Variants in MINDY2 observed in about 807,000 individuals in gnomAD.
The protein encoded by MINDY2 is ubiquitin carboxyl-terminal hydrolase MINDY-2.
A neutral mutation model predicts 68.2 loss-of-function variants in MINDY2; 52 were observed. The ratio of observed to expected loss-of-function variants is 0.76; its 90% CI spans 0.61 to 0.96. The LOEUF (loss-of-function observed/expected upper bound fraction) is 0.96, where lower values mean the gene tolerates loss of function less well. Ranked by LOEUF, MINDY2 falls within the 40% of genes least tolerant of loss-of-function variation. MINDY2 has a pLI of 0.00. For missense variants in MINDY2, 881 were observed against 773.4 expected, an observed-to-expected ratio of 1.14 and a Z score of -1.65; for synonymous variants, 372 against 303.0, an observed-to-expected ratio of 1.23 and a Z score of -2.36.
intron 2 of MINDY2, chr15:58,796,015 T>G: frequency 2.2e-6 from 1 of 445,882 alleles, no homozygotes; most frequent in South Asian, 1.6e-5. Context: ...GACTTGGCAG[T>G]GTGGTTATTG....
intron 6 of MINDY2, among the ~76,000 whole-genome samples, chr15:58,834,556 T>C (rs1449229466): frequency 6.6e-6 from 1 of 152,178 alleles, no homozygotes; most frequent in Admixed American, 6.5e-5. Flanking sequence ...ATCATTAATT[T>C]TGAGTGCTTT....
chr15:58,794,252 G>C (rs1902123007), intron 2 of MINDY2, among the ~76,000 whole-genome samples: 2 of 152,032 alleles, frequency 1.3e-5, no homozygotes, highest in African/African-American at 4.8e-5. Context: ...TTAATGGATT[G>C]TAGGTCTTGA....
In MINDY2 at chr15:58,772,136, G is replaced by T; in HGVS notation, c.741G>T (p.Trp247Cys). ...GACAATCTGTGTATCACATCAAGTG[G>T]ATCCAGTGGAAGGAAGAGAACACAC... ...FPGQSVYHIKWIQWKEENTPI... is the reference protein window; with the variant it reads ...FPGQSVYHIKCIQWKEENTPI... Residue 247 changes from tryptophan (W) to cysteine (C), a missense_variant, in exon 1 of 9, where the codon TGG becomes TGT. Transcript: ENST00000559228. The T allele has an allele frequency of 6.2e-7, 1 of 1,614,128 alleles. No homozygotes were observed. The highest frequency in any genetic ancestry group is 8.5e-7 in the Non-Finnish European group (1 of 1,180,032).
At chr15:58,842,170 A>G (rs2032318601) in intron 6 of MINDY2, among the ~76,000 whole-genome samples, 1 of 152,054 alleles carries the variant, frequency 6.6e-6, no homozygotes, top group African/African-American at 2.4e-5. Context: ...TATTCATGTC[A>G]TAACTGTTTC....
At chr15:58,818,437 G>A (rs772550336) in intron 4 of MINDY2, among the ~76,000 whole-genome samples, 6 of 151,842 alleles carry the variant, frequency 4.0e-5, no homozygotes, top group Non-Finnish European at 7.4e-5. Flanking sequence ...TTTATTTTTT[G>A]TGAAGACAGG....
chr15:58,771,993 A>C lies in MINDY2; in HGVS notation c.598A>C (p.Arg200=). 2 of 1,586,852 alleles carry C rather than the reference A, an allele frequency of 1.3e-6. No homozygotes were observed. The highest frequency in any genetic ancestry group is 1.3e-5 in the African/African-American group (1 of 74,328). ...EFNSEEGAEN[R]VPEEEEGAAV... is the part of the protein sequence containing the mutation. ...CAATAGTGAGGAGGGAGCGGAGAACAGGGTCCCTGAGGAGGAGGAGGGCGC... is the reference window on the plus strand; with the variant it reads ...CAATAGTGAGGAGGGAGCGGAGAACCGGGTCCCTGAGGAGGAGGAGGGCGC... Residue 200 remains arginine, a synonymous_variant, in exon 1 of 9, where the codon AGG becomes CGG. Transcript: ENST00000559228.
intron 1 of MINDY2, among the ~76,000 whole-genome samples, chr15:58,785,325 A>C (rs879453561): frequency 7.9e-5 from 12 of 152,102 alleles, no homozygotes; most frequent in African/African-American, 2.4e-4. Context: ...CTTTGCTTGT[A>C]AGTAAGTGAG....
intron 2 of MINDY2, among the ~76,000 whole-genome samples, chr15:58,789,219 T>C (rs1182597193): frequency 2.6e-5 from 4 of 151,942 alleles, no homozygotes; most frequent in African/African-American, 9.7e-5. Context: ...ACGCCTGATG[T>C]CCCAGCTACT....
At chr15:58,803,945 G>GAAAAAAAAAAAAAAAAAAA in intron 3 of MINDY2, among the ~76,000 whole-genome samples, 1 of 77,238 alleles carries the variant, frequency 1.3e-5, no homozygotes, top group Non-Finnish European at 2.4e-5. Context: ...CAGCTCTACT[G>GAAAAAAAAAAAAAAAAAAA]AAAAAAAAAA....
chr15:58,845,646 C>T lies in MINDY2; in HGVS notation c.1369-1651C>T, dbSNP rs565359502. The stretch of plus-strand genomic sequence containing the variant: ...TATGGAGAACAGTTTAGAGGTTCCT[C>T]AAGACACTAAAAGTAGAGCTGTTAT... On this transcript the variant is annotated intron_variant, in intron 6 of 8. Transcript: ENST00000559228. 2.0e-5 allele frequency among the ~76,000 whole-genome samples: 3 copies of T among 152,242 alleles called. No individual in the cohort carries two copies. In the East Asian group the frequency reaches 5.8e-4, roughly 29 times the overall value.
rs545384256 is a variant in MINDY2 at position 58,828,846 on chromosome 15, C to T, written c.1226-2928C>T. 3.6e-4 allele frequency among the ~76,000 whole-genome samples: 54 copies of T among 151,942 alleles called. 1 individual carries two copies. The highest frequency in any genetic ancestry group is 3.4e-3 in the Middle Eastern group (1 of 292). On this transcript the variant is annotated intron_variant, in intron 5 of 8. Transcript: ENST00000559228. ...CTGGGATTACAGGCATGAGCCACTG[C>T]GCCCAGTCTTAAATTTCTGAATGTA... is the stretch of plus-strand genomic sequence containing the variant.
At chr15:58,830,781 TGTTTACA>T in intron 5 of MINDY2, among the ~76,000 whole-genome samples, 1 of 152,168 alleles carries the variant, frequency 6.6e-6, no homozygotes, top group South Asian at 2.1e-4. Context: ...AAGGGACACT[TGTTTACA>T]GTATGCGAGA....
chr15:58,847,201 AT>A (rs112303345), intron 6 of MINDY2, 95 bp from the exon 7 acceptor site: 19 of 942,816 alleles, frequency 2.0e-5, no homozygotes, highest in African/African-American at 2.0e-4. Context: ...TGTTTAATAT[AT>A]TCTGAAGATA....
chr15:58,781,330 G>C (rs530144007), intron 1 of MINDY2, among the ~76,000 whole-genome samples: 4 of 152,006 alleles, frequency 2.6e-5, no homozygotes, highest in African/African-American at 9.6e-5. Context: ...GGGATTACAG[G>C]CATGAGCCAC....
chr15:58,814,000 C>G (rs1466785505), intron 4 of MINDY2, among the ~76,000 whole-genome samples: 1 of 141,762 alleles, frequency 7.1e-6, no homozygotes, highest in African/African-American at 2.6e-5. Flanking sequence ...TGCAGTGGCA[C>G]AATCTTTGCT....
chr15:58,825,535 C>T (rs1407161556), intron 5 of MINDY2, among the ~76,000 whole-genome samples: 2 of 152,126 alleles, frequency 1.3e-5, no homozygotes, highest in African/African-American at 4.8e-5. Flanking sequence ...CATAGCTATT[C>T]ATTTAATTCC....
intron 3 of MINDY2, among the ~76,000 whole-genome samples, chr15:58,807,659 G>A (rs749612015): frequency 5.3e-5 from 8 of 152,048 alleles, no homozygotes; most frequent in East Asian, 1.9e-4. Context: ...CATTGCGCCC[G>A]GCCTAAAATA....
chr15:58,854,443 A>G (rs1555437186), intron 8 of MINDY2, 39 bp from the exon 9 acceptor site: 2 of 1,593,258 alleles, frequency 1.3e-6, no homozygotes, highest in Non-Finnish European at 1.7e-6. Flanking sequence ...GTCCCTCAGA[A>G]TAGTTAGAGT....
chr15:58,837,968 CAAAA>C (rs34909401), intron 6 of MINDY2, among the ~76,000 whole-genome samples: 3 of 75,116 alleles, frequency 4.0e-5, no homozygotes, highest in African/African-American at 9.2e-5. Context: ...GACCTTCTTT[CAAAA>C]AAAAAAAAAA....
Sources: allele counts gnomAD v4.1 joint callset (sites outside exome capture counted in the v4.1 genomes callset), GRCh38; gene constraint gnomAD v4.1.1; transcripts MANE v1.5; gene names NCBI Gene and HGNC (gene_info 2026-07-23, HGNC 2026-07-21).